CTNNA2: variants seen among roughly 807,000 people sequenced by gnomAD.
CTNNA2 encodes the protein catenin alpha 2, also known as catenin alpha-2.
Under a neutral mutation model 101.0 loss-of-function variants are expected in CTNNA2, and 42 were observed. That is an observed-to-expected ratio of 0.42 (90% CI 0.32 to 0.54). The LOEUF is 0.54. Among genes scored for constraint, CTNNA2 ranks in the 20% least tolerant of loss-of-function variants. The pLI, the probability that CTNNA2 is intolerant of heterozygous loss-of-function variation, is 0.14. For synonymous variants in CTNNA2, 450 were observed against 456.4 expected, an observed-to-expected ratio of 0.99 and a Z score of 0.18; for missense variants, 871 against 1,223.1, an observed-to-expected ratio of 0.71 and a Z score of 4.29.
At chr2:79,374,209 A>T (rs527713036) in intron 4 of CTNNA2, among the ~76,000 whole-genome samples, 1 of 152,274 alleles carries the variant, frequency 6.6e-6, no homozygotes, top group East Asian at 1.9e-4. Context: ...TTCAAGTAGT[A>T]AAACCTTCTG....
intron 7 of CTNNA2, among the ~76,000 whole-genome samples, chr2:79,993,028 C>T (rs895572713): frequency 6.6e-6 from 1 of 152,072 alleles, no homozygotes; most frequent in African/African-American, 2.4e-5. Flanking sequence ...TTGATTCTCC[C>T]CATCTACCAA....
At chr2:80,080,704 T>C (rs1699079938) in intron 7 of CTNNA2, among the ~76,000 whole-genome samples, 1 of 152,168 alleles carries the variant, frequency 6.6e-6, no homozygotes, top group Admixed American at 6.5e-5. Context: ...CTTTCCTATT[T>C]GTAGCACATC....
chr2:79,255,691 C>T (rs575049695), intron 2 of CTNNA2, among the ~76,000 whole-genome samples: 1 of 152,236 alleles, frequency 6.6e-6, no homozygotes, highest in Admixed American at 6.5e-5. Context: ...TAGCTTGGTG[C>T]ATTCAGGACT....
chr2:79,682,704 A>G (rs1683663638), intron 2 of CTNNA2, among the ~76,000 whole-genome samples: 1 of 152,192 alleles, frequency 6.6e-6, no homozygotes, highest in African/African-American at 2.4e-5. Context: ...AAAATTTTAA[A>G]TGGAGCTTAT....
In CTNNA2 at chr2:79,522,965, C is replaced by T. The variant is rs554181796; in HGVS notation, c.-6+9758C>T. ...AGAGTCTGGAAAATAAAAATCACTG[C>T]AGTCCAACTATTCAGTGAACATTTG... On this transcript the variant is annotated intron_variant, in intron 1 of 18. Transcript: ENST00000402739. Among the ~76,000 whole-genome samples the T allele has an allele frequency of 3.3e-5, 5 of 152,298 alleles. No homozygotes were observed. The East Asian group carries it at 9.6e-4, about 29-fold the overall frequency.
chr2:80,586,980 C>T (rs1283708518), intron 14 of CTNNA2, among the ~76,000 whole-genome samples: 1 of 152,118 alleles, frequency 6.6e-6, no homozygotes, highest in Non-Finnish European at 1.5e-5. Context: ...GCGAGCAGTG[C>T]TAGTGATATC....
At chr2:80,162,827 A>C in intron 7 of CTNNA2, 1 of 1,598,200 alleles carries the variant, frequency 6.3e-7, no homozygotes, top group South Asian at 1.1e-5. Flanking sequence ...GTCTCTGAAA[A>C]TTTTCTGGAG....
At chr2:80,259,845 T>A (rs1672461096) in intron 7 of CTNNA2, among the ~76,000 whole-genome samples, 1 of 152,126 alleles carries the variant, frequency 6.6e-6, no homozygotes, top group Non-Finnish European at 1.5e-5. Flanking sequence ...TACGAATACT[T>A]CCCCTGTCTA....
Position 79,223,583 on chromosome 2 carries a change from G to C in CTNNA2, c.-406+25507G>C, listed in dbSNP as rs545034536. Among the ~76,000 whole-genome samples the C allele has an allele frequency of 2.0e-5, 3 of 152,258 alleles. No individual in the cohort carries two copies. The East Asian group carries it at 5.8e-4, about 29-fold the overall frequency. On this transcript the variant is annotated intron_variant, in intron 2 of 21. Coordinates refer to the CTNNA2 transcript ENST00000466387. The stretch of plus-strand genomic sequence containing the variant: ...GGCACATGCTATCAGTCACCCATCA[G>C]TAAGACAGCACTCCAGGGATAGAAA...
chr2:79,208,146 T>A (rs985814476), intron 2 of CTNNA2, among the ~76,000 whole-genome samples: 13 of 152,132 alleles, frequency 8.5e-5, no homozygotes, highest in African/African-American at 3.1e-4. Flanking sequence ...TCCAGGCCAC[T>A]TTCCTTTTCT....
At chr2:80,415,680 G>A (rs1679974492) in intron 8 of CTNNA2, among the ~76,000 whole-genome samples, 1 of 152,036 alleles carries the variant, frequency 6.6e-6, no homozygotes, top group African/African-American at 2.4e-5. Context: ...TAGAACTTCT[G>A]GGTAGAATCT....
chr2:79,530,491 G>T (rs1294989371), intron 1 of CTNNA2, among the ~76,000 whole-genome samples: 1 of 142,924 alleles, frequency 7.0e-6, no homozygotes, highest in Non-Finnish European at 1.5e-5. Context: ...GTGCCTCACT[G>T]GTTGATTTTT....
At chr2:79,205,940 C>T (rs1217410896) in intron 2 of CTNNA2, among the ~76,000 whole-genome samples, 2 of 152,108 alleles carry the variant, frequency 1.3e-5, no homozygotes, top group Non-Finnish European at 2.9e-5. Flanking sequence ...ATGCTCGGCC[C>T]TTTCTTGCTT....
intron 7 of CTNNA2, among the ~76,000 whole-genome samples, chr2:80,070,674 A>G (rs984363529): frequency 2.6e-4 from 40 of 151,114 alleles, no homozygotes; most frequent in African/African-American, 9.5e-4. Context: ...CCATGATCAC[A>G]CCACTGCACT....
intron 1 of CTNNA2, among the ~76,000 whole-genome samples, chr2:79,590,143 T>C (rs1676753158): frequency 2.0e-5 from 3 of 152,206 alleles, no homozygotes; most frequent in Admixed American, 1.3e-4. Context: ...GAAAACCGTT[T>C]TCTTTTGTCA....
chr2:80,028,684 G>C (rs986809414), intron 7 of CTNNA2, among the ~76,000 whole-genome samples: 1 of 152,174 alleles, frequency 6.6e-6, no homozygotes, highest in Non-Finnish European at 1.5e-5. Context: ...TGCATTATTG[G>C]TGTGTGCCCA....
At chr2:79,871,708 A>G (rs1223073127) in intron 5 of CTNNA2, among the ~76,000 whole-genome samples, 3 of 152,184 alleles carry the variant, frequency 2.0e-5, no homozygotes, top group Admixed American at 6.5e-5. Flanking sequence ...ATAATGCTTC[A>G]TCAGCCTTCT....
At chr2:79,999,355 A>G (rs1252622972) in intron 7 of CTNNA2, among the ~76,000 whole-genome samples, 1 of 152,204 alleles carries the variant, frequency 6.6e-6, no homozygotes, top group Non-Finnish European at 1.5e-5. Context: ...TTTCCTTACA[A>G]AGCAACTGGT....
intron 1 of CTNNA2, among the ~76,000 whole-genome samples, chr2:79,637,232 C>T (rs1471749794): frequency 6.6e-6 from 1 of 152,030 alleles, no homozygotes; most frequent in Non-Finnish European, 1.5e-5. Flanking sequence ...CAATACTTTC[C>T]ACTGCCTGGA....
Sources: allele counts gnomAD v4.1 joint callset (sites outside exome capture counted in the v4.1 genomes callset), GRCh38; gene constraint gnomAD v4.1.1; transcripts MANE v1.5; gene names NCBI Gene and HGNC (gene_info 2026-07-23, HGNC 2026-07-21).